HIP1: variants seen among roughly 807,000 people sequenced by gnomAD.
The protein encoded by HIP1 is huntingtin-interacting protein 1.
Under a neutral mutation model 147.6 loss-of-function variants are expected in HIP1, and 65 were observed. The observed-to-expected ratio is 0.44, with a 90% CI of 0.36 to 0.54. The LOEUF (loss-of-function observed/expected upper bound fraction) is 0.54, where lower values mean the gene tolerates loss of function less well. Ranked by LOEUF, HIP1 falls within the 20% of genes least tolerant of loss-of-function variation. HIP1 has a pLI of 0.00. For missense variants in HIP1, 1,061 were observed against 1,299.6 expected (o/e 0.82, Z 2.82); for synonymous variants, 479 against 504.0 (o/e 0.95, Z 0.67).
intron 17 of HIP1, among the ~76,000 whole-genome samples, 166 bp downstream of exon 17, chr7:75,556,544 G>A (rs1795011754): frequency 6.6e-6 from 1 of 152,112 alleles, no homozygotes; most frequent in African/African-American, 2.4e-5. Context: ...AACTAGCCAG[G>A]TGTAGGGGTG....
chr7:75,611,803 C>A, intron 1 of HIP1: 1 of 1,034,626 alleles, frequency 9.7e-7, no homozygotes, highest in Non-Finnish European at 1.2e-6. Context: ...CCTGACCCAG[C>A]AGGCCCTCGT....
chr7:75,734,139 G>A (rs1326405393), intron 1 of HIP1, among the ~76,000 whole-genome samples: 1 of 151,900 alleles, frequency 6.6e-6, no homozygotes, highest in African/African-American at 2.4e-5. Flanking sequence ...CCAGCTACTC[G>A]AGAGGCCGAG....
At chr7:75,705,461 G>A (rs938097482) in intron 1 of HIP1, among the ~76,000 whole-genome samples, 1 of 150,846 alleles carries the variant, frequency 6.6e-6, no homozygotes, top group Non-Finnish European at 1.5e-5. Context: ...TCCGCCTCCC[G>A]AGTTCAAGTG....
rs1210644236 is a variant in HIP1, at chr7:75,535,233, G to A, written c.*2939C>T. ...TTCTGTGGCTTCTTTTTAGAGACAGGATCATTCAGATAATTTTTTGTTTGT... is the reference window on the plus strand; with the variant it reads ...TTCTGTGGCTTCTTTTTAGAGACAGAATCATTCAGATAATTTTTTGTTTGT... On this transcript the variant is annotated 3_prime_UTR_variant, in exon 31 of 31. Transcript: ENST00000336926. 1.4e-5 allele frequency: 3 copies of A among 209,966 alleles called. No homozygotes were observed. The highest frequency in any genetic ancestry group is 6.8e-5 in the African/African-American group (3 of 43,994). The allele number at this position is 209,966 out of a possible 1,614,324, so 13.0% of individuals were successfully genotyped here.
intron 1 of HIP1, among the ~76,000 whole-genome samples, chr7:75,689,894 C>T (rs961277365): frequency 6.6e-5 from 10 of 152,112 alleles, no homozygotes; most frequent in South Asian, 6.2e-4. Flanking sequence ...ATAGTGTCAT[C>T]GTCATTCGTC....
At chr7:75,720,761 G>A (rs902492289) in intron 1 of HIP1, among the ~76,000 whole-genome samples, 3 of 152,062 alleles carry the variant, frequency 2.0e-5, no homozygotes, top group African/African-American at 7.2e-5. Context: ...CATCTCAGCC[G>A]GGTGCGGTGG....
intron 22 of HIP1, 145 bp downstream of exon 22, chr7:75,553,308 A>G: frequency 9.3e-7 from 1 of 1,079,550 alleles, no homozygotes; most frequent in Non-Finnish European, 1.3e-6. Flanking sequence ...ACCCGGCCAG[A>G]TTTTCCAATT....
intron 14 of HIP1, among the ~76,000 whole-genome samples, chr7:75,558,759 C>T (rs1449466717): frequency 6.6e-6 from 1 of 151,906 alleles, no homozygotes; most frequent in Non-Finnish European, 1.5e-5. Flanking sequence ...TGGCTCATGC[C>T]TATAATCCCA....
chr7:75,553,182 C>G (rs140620674), intron 22 of HIP1, among the ~76,000 whole-genome samples: 119 of 152,220 alleles, frequency 7.8e-4, no homozygotes, highest in African/African-American at 2.8e-3. Context: ...AAGTGATCTG[C>G]CCACCTCAGC....
At chr7:75,716,117 C>A (rs1230174450) in intron 1 of HIP1, among the ~76,000 whole-genome samples, 1 of 152,146 alleles carries the variant, frequency 6.6e-6, no homozygotes, top group Non-Finnish European at 1.5e-5. Context: ...GATCACATTT[C>A]AACATGAGAT....
intron 1 of HIP1, among the ~76,000 whole-genome samples, chr7:75,610,654 A>C (rs2117054336): frequency 6.6e-6 from 1 of 151,902 alleles, no homozygotes; most frequent in South Asian, 2.1e-4. Flanking sequence ...AAGGCAGGTC[A>C]TAAGTCCATA....
chr7:75,719,229 G>A (rs1197894179), intron 1 of HIP1, among the ~76,000 whole-genome samples: 1 of 152,046 alleles, frequency 6.6e-6, no homozygotes, highest in Non-Finnish European at 1.5e-5. Flanking sequence ...ACTAGGCCGG[G>A]CGTGGTGGCT....
At chr7:75,577,943 C>A (rs112660276) in intron 7 of HIP1, among the ~76,000 whole-genome samples, 1 of 151,948 alleles carries the variant, frequency 6.6e-6, no homozygotes, top group African/African-American at 2.4e-5. Context: ...GAGGTTGCAG[C>A]GAGCTGAGAT....
At chr7:75,619,121 C>T (rs1042910134) in intron 1 of HIP1, among the ~76,000 whole-genome samples, 3 of 152,184 alleles carry the variant, frequency 2.0e-5, no homozygotes, top group African/African-American at 7.2e-5. Context: ...CTTTGCTCCA[C>T]CCCCAAATTG....
chr7:75,639,028 G>A (rs1169429590), intron 1 of HIP1: 22 of 915,462 alleles, frequency 2.4e-5, no homozygotes, highest in African/African-American at 1.1e-4. Flanking sequence ...GGGGCTCGGG[G>A]CAAAGCCCCT....
chr7:75,722,576 G>A (rs1180450323), intron 1 of HIP1, among the ~76,000 whole-genome samples: 12 of 152,132 alleles, frequency 7.9e-5, no homozygotes, highest in Admixed American at 7.9e-4. Context: ...ACCACCATGA[G>A]CCTGAGTAAG....
At chr7:75,595,276 C>CT (rs1554501730) in intron 2 of HIP1, among the ~76,000 whole-genome samples, 2,234 of 79,196 alleles carry the variant, frequency 0.028, 41 homozygotes, top group African/African-American at 0.087. Flanking sequence ...TCCTTCCTTC[C>CT]TTCCTTCCTT....
rs1797410911 is a variant in HIP1 at position 75,610,950 on chromosome 7, A to G, written c.121-11703T>C. Among the ~76,000 whole-genome samples the G allele has an allele frequency of 2.7e-5, 4 of 150,406 alleles. 1 individual carries two copies. The South Asian group carries it at 8.3e-4, about 31-fold the overall frequency. On this transcript the variant is annotated intron_variant, in intron 1 of 30. Transcript: ENST00000336926. The stretch of plus-strand genomic sequence containing the variant: ...GGAGTTTCACTCCATTTGTCTCCCA[A>G]GCTGGAGTGCAGTGGTGTGAGCTTG...
rs782586233 is a variant in HIP1 at position 75,542,908 on chromosome 7, C to A, written c.2833G>T (p.Ala945Ser). ...GTTGAGGCCACAACGCCGGCAGTGG[C>A]CTGGTTCACTCCCCGAGAGGCCTGC... Reference protein sequence around the residue: ...LQQASRGVNQATAGVVASTIS... With the variant: ...LQQASRGVNQSTAGVVASTIS... Residue 945 changes from alanine (A) to serine (S), a missense_variant, in exon 28 of 31, where the codon GCC (alanine) becomes TCC (serine). Transcript: ENST00000336926. 6.2e-7 allele frequency: 1 copy of A among 1,614,052 alleles called. No individual in the cohort carries two copies. The highest frequency in any genetic ancestry group is 2.2e-5 in the East Asian group (1 of 44,872).
Sources: gnomAD v4.1 joint callset for allele counts (sites outside exome capture counted in the v4.1 genomes callset) on GRCh38, gnomAD v4.1.1 for gene constraint, MANE v1.5 for transcripts, NCBI Gene and HGNC (gene_info 2026-07-23, HGNC 2026-07-21) for gene names.